TRIM37: variants seen among roughly 807,000 people sequenced by gnomAD.
The protein encoded by TRIM37 is tripartite motif containing 37.
Under a neutral mutation model 129.8 loss-of-function variants are expected in TRIM37, and 80 were observed. That is an observed-to-expected ratio of 0.62 (90% CI 0.51 to 0.74). The LOEUF is 0.74. TRIM37 is among the 30% of genes least tolerant of loss of function. The pLI is 0.00. For missense variants in TRIM37, 1,054 were observed against 1,176.5 expected (o/e 0.90, Z 1.52); for synonymous variants, 389 against 387.1 (o/e 1.00, Z -0.06).
chr17:58,990,607 C>A lies in TRIM37; in HGVS notation c.2892-7686G>T, dbSNP rs1324417741. On this transcript the variant is annotated intron_variant, in intron 24 of 24. Transcript: ENST00000393066. Reference sequence around the variant, plus strand: ...GGAGTTCAAGACCAGCCTGACCAACCTGGTGAAACCCTGTCTCTACTAAAA... The same window carrying A: ...GGAGTTCAAGACCAGCCTGACCAACATGGTGAAACCCTGTCTCTACTAAAA... Among the ~76,000 whole-genome samples the A allele has an allele frequency of 3.4e-5, 5 of 148,272 alleles. No homozygotes were observed. The South Asian group carries it at 1.1e-3, about 32-fold the overall frequency.
intron 9 of TRIM37, among the ~76,000 whole-genome samples, chr17:59,066,146 A>G (rs1291003627): frequency 1.3e-5 from 2 of 152,194 alleles, no homozygotes; most frequent in African/African-American, 4.8e-5. Flanking sequence ...CACTCAACAT[A>G]CACAAACTCC....
Position 59,028,586 on chromosome 17 carries a change from G to T in TRIM37, c.2086C>A (p.Leu696Ile). Residue 696 changes from leucine (L) to isoleucine (I), a missense_variant, in exon 19 of 24, where the codon CTT becomes ATT. Around this residue, in one of 3 missense-constraint regions of TRIM37, gnomAD observed 752 missense variants for 870.8 expected, o/e 0.86. Coordinates refer to ENST00000262294, the MANE Select transcript of TRIM37 (RefSeq NM_015294.6). ...RCMKTDVKNT[L>I]SEIKSSSAAS... ...GCACTGCTGCTTTTTATTTCTGAAA[G>T]TGTATTCTTTACATCAGTTTTCATA... is the stretch of plus-strand genomic sequence containing the variant. 6.2e-7 allele frequency: 1 copy of T among 1,614,232 alleles called. No homozygotes were observed. The highest frequency in any genetic ancestry group is 2.2e-5 in the East Asian group (1 of 44,886).
At chr17:58,968,683 G>A in the TRIM37 span, among the ~76,000 whole-genome samples, 3 of 152,178 alleles carry the variant, frequency 2.0e-5, no homozygotes, top group Non-Finnish European at 4.4e-5. Flanking sequence ...AGTTCAGTGC[G>A]TCACAGATCT....
intron 2 of TRIM37, among the ~76,000 whole-genome samples, chr17:59,098,977 G>C (rs140893623): frequency 0.012 from 1,827 of 152,262 alleles, 17 homozygotes; most frequent in Middle Eastern, 0.041. Flanking sequence ...CAGGTCAAGA[G>C]ATCGACACCA....
chr17:59,030,762 T>C (rs1027807085), intron 18 of TRIM37, among the ~76,000 whole-genome samples: 2 of 152,238 alleles, frequency 1.3e-5, no homozygotes, highest in South Asian at 2.1e-4. Context: ...AACATCTGCT[T>C]GTTTTCTCTT....
chr17:58,968,893 C>T, the TRIM37 span, among the ~76,000 whole-genome samples: 1 of 152,124 alleles, frequency 6.6e-6, no homozygotes, highest in Non-Finnish European at 1.5e-5. Flanking sequence ...AGTGGTCAGC[C>T]GCACAGGGCA....
At chr17:58,981,048 G>A (rs372158259), downstream of TRIM37, 6 of 1,528,748 alleles carry the variant, frequency 3.9e-6, no homozygotes, top group African/African-American at 6.9e-5. Context: ...TTTCAAGTAG[G>A]TTAGCTAGCT....
intron 10 of TRIM37, among the ~76,000 whole-genome samples, chr17:59,063,409 C>T (rs569936481): frequency 1.3e-5 from 2 of 152,256 alleles, no homozygotes; most frequent in East Asian, 3.9e-4. Context: ...GAACTCCTGA[C>T]CTCGATGATC....
rs142113543 is a variant in TRIM37, at chr17:58,999,205, G to A, written c.*172C>T. 4.2e-4 allele frequency: 632 copies of A among 1,502,060 alleles called. 2 individuals carry two copies. In the Middle Eastern group the frequency reaches 4.8e-3, roughly 11 times the overall value. 93.0% of individuals were successfully genotyped at this position (1,502,060 alleles called of 1,614,324 possible). Reference sequence around the variant, plus strand: ...ACTGTTTTTCCCATGTACTACTGCTGTCTTAGACTAAACTGTGCCACCTTC... The same window carrying A: ...ACTGTTTTTCCCATGTACTACTGCTATCTTAGACTAAACTGTGCCACCTTC... On this transcript the variant is annotated 3_prime_UTR_variant, in exon 24 of 24. Transcript: ENST00000262294.
intron 23 of TRIM37, 98 bp downstream of exon 23, chr17:59,001,500 G>A: frequency 1.4e-6 from 2 of 1,467,972 alleles, no homozygotes; most frequent in South Asian, 1.2e-5. Flanking sequence ...AAAAGCAGTA[G>A]AGCGGAAAAA....
At chr17:58,967,289 T>C in the TRIM37 span, among the ~76,000 whole-genome samples, 1 of 152,170 alleles carries the variant, frequency 6.6e-6, no homozygotes, top group African/African-American at 2.4e-5. Context: ...ATAAATGTTT[T>C]TACAACATTG....
At chr17:59,079,984 G>C in intron 6 of TRIM37, 107 bp from the exon 7 acceptor site, 1 of 1,322,460 alleles carries the variant, frequency 7.6e-7, no homozygotes, top group Non-Finnish European at 1.1e-6. Flanking sequence ...GGTAGTTAGA[G>C]GAAGGTCAAA....
intron 9 of TRIM37, among the ~76,000 whole-genome samples, chr17:59,065,270 C>G (rs2041837984): frequency 1.3e-5 from 2 of 152,092 alleles, no homozygotes; most frequent in African/African-American, 4.8e-5. Context: ...TCAGTGATAA[C>G]ACAATTAATC....
intron 18 of TRIM37, among the ~76,000 whole-genome samples, chr17:59,030,621 CTATT>C (rs1312560313): frequency 3.3e-5 from 5 of 152,094 alleles, no homozygotes; most frequent in South Asian, 2.1e-4. Context: ...AGAAATCTTA[CTATT>C]TAGTTTGCAT....
At chr17:59,037,877 A>G (rs933579544) in intron 17 of TRIM37, among the ~76,000 whole-genome samples, 2 of 152,134 alleles carry the variant, frequency 1.3e-5, no homozygotes, top group African/African-American at 2.4e-5. Flanking sequence ...CTTCTGGTCT[A>G]TGACAGTCTC....
intron 7 of TRIM37, 100 bp from the exon 8 acceptor site, chr17:59,075,814 A>C (rs1393207381): frequency 1.1e-6 from 1 of 918,170 alleles, no homozygotes; most frequent in African/African-American, 1.6e-5. Context: ...AATACACTTC[A>C]AGTAAGCAAA....
intron 19 of TRIM37, among the ~76,000 whole-genome samples, chr17:59,023,354 A>C (rs1319773082): frequency 6.6e-6 from 1 of 152,182 alleles, no homozygotes; most frequent in Non-Finnish European, 1.5e-5. Context: ...CTGGGATTAC[A>C]GGCGTGAGCC....
At chr17:59,101,691 TATATACACACAC>T (rs1568266069) in intron 2 of TRIM37, among the ~76,000 whole-genome samples, 3 of 131,096 alleles carry the variant, frequency 2.3e-5, no homozygotes, top group East Asian at 2.1e-4. Context: ...TATATATATA[TATATACACACAC>T]ACACACACAC....
At chr17:59,102,180 A>G (rs2045578951) in intron 2 of TRIM37, among the ~76,000 whole-genome samples, 1 of 152,230 alleles carries the variant, frequency 6.6e-6, no homozygotes, top group African/African-American at 2.4e-5. Context: ...AAGTAAATCA[A>G]ATTTCCCAAA....
Sources: gnomAD v4.1 joint callset for allele counts (sites outside exome capture counted in the v4.1 genomes callset) on GRCh38, gnomAD v4.1.1 for gene constraint, gnomAD v4.1.1 regional missense constraint, MANE v1.5 for transcripts, NCBI Gene and HGNC (gene_info 2026-07-23, HGNC 2026-07-21) for gene names.